SHANK2: variants seen among roughly 807,000 people sequenced by gnomAD.
The protein encoded by SHANK2 is SH3 and multiple ankyrin repeat domains 2, also known as SH3 and multiple ankyrin repeat domains protein 2.
Under a neutral mutation model 133.7 loss-of-function variants are expected in SHANK2, and 43 were observed. The ratio of observed to expected loss-of-function variants is 0.32; its 90% CI spans 0.25 to 0.41. The LOEUF is 0.41. SHANK2 is among the 10% of genes least tolerant of loss of function. The pLI is 1.00. For synonymous variants in SHANK2, 1,017 were observed against 952.8 expected, an observed-to-expected ratio of 1.07 and a Z score of -1.24; for missense variants, 1,994 against 2,235.8, an observed-to-expected ratio of 0.89 and a Z score of 2.18.
chr11:71,238,430 C>T (rs1221031392), intron 1 of SHANK2, among the ~76,000 whole-genome samples: 2 of 152,182 alleles, frequency 1.3e-5, no homozygotes, highest in Admixed American at 6.5e-5. Flanking sequence ...ATGTTAGTAC[C>T]CTCATTTCAA....
At chr11:71,192,019 C>A (rs548685042) in intron 2 of SHANK2, among the ~76,000 whole-genome samples, 69 of 152,146 alleles carry the variant, frequency 4.5e-4, no homozygotes, top group Non-Finnish European at 7.9e-4. Context: ...CAATACCATA[C>A]CTGGATAATT....
intron 14 of SHANK2, among the ~76,000 whole-genome samples, chr11:70,753,345 CA>C (rs1299083210): frequency 6.6e-6 from 1 of 152,120 alleles, no homozygotes; most frequent in Non-Finnish European, 1.5e-5. Context: ...ATTTAAAGAA[CA>C]CCGCACTCAA....
intron 12 of SHANK2, among the ~76,000 whole-genome samples, chr11:70,814,503 C>T (rs1407825164): frequency 6.6e-6 from 1 of 152,208 alleles, no homozygotes; most frequent in Non-Finnish European, 1.5e-5. Context: ...GGCCCCACTC[C>T]AGCAGTGTCC....
intron 14 of SHANK2, among the ~76,000 whole-genome samples, chr11:70,745,535 C>T (rs573543504): frequency 6.6e-6 from 1 of 152,358 alleles, no homozygotes; most frequent in South Asian, 2.1e-4. Context: ...ATGAGTGGTC[C>T]TGCCACTGTG....
chr11:71,186,445 C>A (rs535004804), intron 2 of SHANK2, among the ~76,000 whole-genome samples: 98 of 152,330 alleles, frequency 6.4e-4, no homozygotes, highest in African/African-American at 2.2e-3. Flanking sequence ...ACACTGACAA[C>A]CTCTATCCCC....
intron 3 of SHANK2, among the ~76,000 whole-genome samples, chr11:71,134,251 A>G (rs1555104357): frequency 1.3e-5 from 2 of 149,082 alleles, no homozygotes; most frequent in African/African-American, 4.9e-5. Flanking sequence ...TGGCCAGAGC[A>G]GGCATCTGGG....
At chr11:70,561,450 CT>C (rs1159239310) in intron 17 of SHANK2, among the ~76,000 whole-genome samples, 1 of 152,078 alleles carries the variant, frequency 6.6e-6, no homozygotes, top group Non-Finnish European at 1.5e-5. Context: ...AAAGAACCAA[CT>C]TTTGGTTGCT....
At chr11:71,084,761 G>C (rs1186136597) in intron 8 of SHANK2, among the ~76,000 whole-genome samples, 1 of 152,208 alleles carries the variant, frequency 6.6e-6, no homozygotes, top group African/African-American at 2.4e-5. Context: ...CCAGGCTTCT[G>C]GTAAGAGACA....
At chr11:70,729,526 A>ATTT (rs1313198775) in intron 14 of SHANK2, among the ~76,000 whole-genome samples, 2 of 137,698 alleles carry the variant, frequency 1.5e-5, no homozygotes, top group African/African-American at 5.4e-5. Context: ...TACTTTCTTC[A>ATTT]TTTTTTTTTT....
intron 22 of SHANK2, among the ~76,000 whole-genome samples, chr11:70,490,918 C>T (rs2058878324): frequency 6.6e-6 from 1 of 152,236 alleles, no homozygotes. Context: ...TGTGGGTGAG[C>T]ATGATGTGCC....
At chr11:70,499,375 T>C (rs2135804639) in intron 21 of SHANK2, among the ~76,000 whole-genome samples, 1 of 152,322 alleles carries the variant, frequency 6.6e-6, no homozygotes, top group African/African-American at 2.4e-5. Context: ...AGGTGGATCT[T>C]CTGATGCCAC....
chr11:71,234,788 G>A (rs1254188012), intron 1 of SHANK2, among the ~76,000 whole-genome samples: 1 of 152,158 alleles, frequency 6.6e-6, no homozygotes, highest in Non-Finnish European at 1.5e-5. Flanking sequence ...GGCACTGGAG[G>A]AGCATGGCCG....
chr11:70,500,606 G>A lies in SHANK2; in HGVS notation c.2288-16C>T. On this transcript the variant is annotated splice_polypyrimidine_tract_variant and intron_variant, in intron 20 of 25. Transcript: ENST00000601538. This position sits in a 1 kb window ranked among gnomAD's most constrained non-coding sequence, Gnocchi z 4.5. ...CGGACCGAGGCTTGCAAACAGAAAG[G>A]GGACCGCCATGAGCCACCAGGATGC... 6.2e-7 allele frequency: 1 copy of A among 1,600,328 alleles called. No homozygotes were observed. Among genetic ancestry groups the A allele is most frequent in the South Asian group, 1.1e-5 (1 of 88,430 alleles).
chr11:71,109,879 G>T, intron 6 of SHANK2, 62 bp downstream of exon 6: 2 of 1,011,128 alleles, frequency 2.0e-6, no homozygotes, highest in Non-Finnish European at 3.1e-6. Context: ...AGCCTGAGCA[G>T]TGGGCTGGCC....
chr11:70,633,207 ATATG>A (rs202238071), intron 17 of SHANK2, among the ~76,000 whole-genome samples: 2,986 of 148,544 alleles, frequency 0.02, 44 homozygotes, highest in Non-Finnish European at 0.031. Context: ...ATATTTTTAT[ATATG>A]TATTACATAA....
intron 2 of SHANK2, among the ~76,000 whole-genome samples, chr11:71,171,967 T>C (rs1174140728): frequency 6.6e-6 from 1 of 152,126 alleles, no homozygotes; most frequent in Admixed American, 6.5e-5. Flanking sequence ...GCTCTGGTCC[T>C]GAGACCCTGG....
At chr11:70,884,433 T>C (rs1555072999) in intron 11 of SHANK2, among the ~76,000 whole-genome samples, 2 of 152,250 alleles carry the variant, frequency 1.3e-5, no homozygotes, top group African/African-American at 4.8e-5. Flanking sequence ...AGGAATGCAA[T>C]GAAAGACAGC....
chr11:70,716,784 G>A (rs149203081), intron 14 of SHANK2, among the ~76,000 whole-genome samples: 9 of 152,260 alleles, frequency 5.9e-5, no homozygotes, highest in East Asian at 5.8e-4. Context: ...AGGGGTCACC[G>A]TAGTCTCGAC....
At chr11:70,512,951 A>G (rs1295509919) in intron 17 of SHANK2, among the ~76,000 whole-genome samples, 1 of 151,966 alleles carries the variant, frequency 6.6e-6, no homozygotes, top group East Asian at 2.0e-4. Flanking sequence ...AGGTTGGGGA[A>G]TAAGGTAAAG....
Sources: allele counts gnomAD v4.1 joint callset (sites outside exome capture counted in the v4.1 genomes callset), GRCh38; gene constraint gnomAD v4.1.1; non-coding constraint Gnocchi (gnomAD v3.1); transcripts MANE v1.5; gene names NCBI Gene and HGNC (gene_info 2026-07-23, HGNC 2026-07-21).